LIN9: variants seen among roughly 807,000 people sequenced by gnomAD.
LIN9 encodes lin-9 DREAM MuvB core complex component.
LIN9 carries 18 observed loss-of-function variants against 78.0 expected under a neutral mutation model. The observed-to-expected ratio is 0.23, with a 90% CI of 0.16 to 0.34. The LOEUF is 0.34. LIN9 is among the 10% of genes least tolerant of loss of function. The pLI is 1.00. For missense variants in LIN9, 451 were observed against 644.1 expected (o/e 0.70, Z 3.25); for synonymous variants, 192 against 215.2 (o/e 0.89, Z 0.94).
intron 11 of LIN9, among the ~76,000 whole-genome samples, chr1:226,246,896 CG>C (rs1202023093): frequency 6.6e-6 from 1 of 151,278 alleles, no homozygotes; most frequent in Non-Finnish European, 1.5e-5. Context: ...TGCCTTTTGA[CG>C]GTTTTGGAAC....
At chr1:226,261,839 T>C (rs1659606679) in intron 10 of LIN9, among the ~76,000 whole-genome samples, 1 of 152,108 alleles carries the variant, frequency 6.6e-6, no homozygotes, top group Non-Finnish European at 1.5e-5. Flanking sequence ...AAGAACAAAG[T>C]TGAAGGACTG....
At chr1:226,276,424 T>C (rs1271303796) in intron 7 of LIN9, among the ~76,000 whole-genome samples, 1 of 152,240 alleles carries the variant, frequency 6.6e-6, no homozygotes, top group Admixed American at 6.5e-5. Context: ...ACAGAGATCA[T>C]ATCATCTATA....
intron 10 of LIN9, among the ~76,000 whole-genome samples, chr1:226,257,263 G>A (rs1175399644): frequency 6.6e-6 from 1 of 152,082 alleles, no homozygotes; most frequent in Non-Finnish European, 1.5e-5. Flanking sequence ...AATGTTAAAT[G>A]ATGTTCTTTA....
chr1:226,235,935 G>T (rs1032992977), intron 12 of LIN9, among the ~76,000 whole-genome samples: 1 of 151,844 alleles, frequency 6.6e-6, no homozygotes, highest in Non-Finnish European at 1.5e-5. Flanking sequence ...TACTCCAAAG[G>T]TTATACTTTG....
At chr1:226,232,656 A>C (rs1657412563) in intron 14 of LIN9, 50 bp from the exon 15 acceptor site, 1 of 1,240,462 alleles carries the variant, frequency 8.1e-7, no homozygotes, top group Non-Finnish European at 1.1e-6. Flanking sequence ...AAAATTAAGA[A>C]AAAAATTTTT....
intron 2 of LIN9, among the ~76,000 whole-genome samples, chr1:226,300,263 A>G (rs1019055192): frequency 6.6e-6 from 1 of 152,062 alleles, no homozygotes; most frequent in Admixed American, 6.5e-5. Context: ...AAAATAAGCT[A>G]TTACGGGCCA....
At chr1:226,240,530 A>G (rs1658044956) in intron 11 of LIN9, among the ~76,000 whole-genome samples, 1 of 152,062 alleles carries the variant, frequency 6.6e-6, no homozygotes, top group African/African-American at 2.4e-5. Flanking sequence ...GTGGGACTAC[A>G]GGTGCGTGCC....
chr1:226,232,879 C>T lies in LIN9; in HGVS notation c.1523+217G>A, dbSNP rs1576264375. On this transcript the variant is annotated intron_variant, in intron 14 of 14. Transcript: ENST00000681046. Reference sequence around the variant, plus strand: ...CTCTAAGCTCAACCTCCATGCTGACCCCAAACCTAAATATATGTCCTGATT... The same window carrying T: ...CTCTAAGCTCAACCTCCATGCTGACTCCAAACCTAAATATATGTCCTGATT... 5.1e-5 allele frequency: 25 copies of T among 492,668 alleles called. 1 individual carries two copies. The South Asian group carries it at 9.1e-4, about 18-fold the overall frequency. The allele number at this position is 492,668 out of a possible 1,614,324, so 30.5% of individuals were successfully genotyped here. A position where few individuals can be genotyped will look rare whatever the true frequency, so the allele number is the denominator to read the frequency against.
At chr1:226,262,923 G>A (rs1470340489) in intron 10 of LIN9, among the ~76,000 whole-genome samples, 2 of 152,070 alleles carry the variant, frequency 1.3e-5, no homozygotes, top group Admixed American at 6.6e-5. Context: ...ATAAACTGTG[G>A]TACATCCCGA....
chr1:226,264,533 T>C (rs1374930487), intron 10 of LIN9, among the ~76,000 whole-genome samples: 1 of 152,166 alleles, frequency 6.6e-6, no homozygotes, highest in Admixed American at 6.5e-5. Flanking sequence ...TGGATTATGT[T>C]ATAAACATTT....
chr1:226,303,798 G>T (rs764539481), intron 1 of LIN9, among the ~76,000 whole-genome samples: 12 of 152,140 alleles, frequency 7.9e-5, no homozygotes, highest in Non-Finnish European at 1.8e-4. Context: ...GTAGAGACAG[G>T]GTTTCGCCAT....
At chr1:226,277,230 A>C (rs2169568) in intron 7 of LIN9, among the ~76,000 whole-genome samples, 34,857 of 150,360 alleles carry the variant, frequency 0.23, 4,316 homozygotes, top group South Asian at 0.33. Context: ...AAAAAAAAAA[A>C]AAAAAACTTT....
At chr1:226,249,623 T>G (rs1323503294) in intron 11 of LIN9, among the ~76,000 whole-genome samples, 1 of 152,214 alleles carries the variant, frequency 6.6e-6, no homozygotes, top group Non-Finnish European at 1.5e-5. Context: ...TAACATTTCA[T>G]TCCAGAGATT....
chr1:226,250,501 CAA>C (rs1658764673), intron 11 of LIN9, among the ~76,000 whole-genome samples: 1 of 152,266 alleles, frequency 6.6e-6, no homozygotes, highest in South Asian at 2.1e-4. Context: ...TTCTGTATAA[CAA>C]GAGATAGTGA....
At chr1:226,253,003 C>T (rs1658938904) in intron 10 of LIN9, among the ~76,000 whole-genome samples, 1 of 151,880 alleles carries the variant, frequency 6.6e-6, no homozygotes. Context: ...TGGCTCACAC[C>T]TATAATCCCA....
rs111392191 is a variant in LIN9, at chr1:226,265,508, C to G, written c.1038+25G>C. On this transcript the variant is annotated intron_variant, in intron 10 of 14. Coordinates refer to ENST00000681046, the MANE Select transcript of LIN9 (RefSeq NM_001366245.2). This position sits in a 1 kb window ranked among gnomAD's most constrained non-coding sequence, Gnocchi z 4.1. The stretch of plus-strand genomic sequence containing the variant: ...AGGCATTGAGTTTTTAAACAAACAG[C>G]CAAGATATTCAGAACAATTCTTACC... The G allele has an allele frequency of 6.9e-7, 1 of 1,442,286 alleles. No individual in the cohort carries two copies. The highest frequency in any genetic ancestry group is 1.2e-5 in the South Asian group (1 of 85,458). The allele number at this position is 1,442,286 out of a possible 1,614,324, so 89.3% of individuals were successfully genotyped here.
chr1:226,235,439 A>G (rs1480429240), intron 12 of LIN9, among the ~76,000 whole-genome samples: 2 of 152,060 alleles, frequency 1.3e-5, no homozygotes, highest in Admixed American at 6.6e-5. Flanking sequence ...AAAGGTATAC[A>G]GTCAAAATAT....
Position 226,277,762 on chromosome 1 carries a change from T to C in LIN9, c.682+13A>G, listed in dbSNP as rs777030511. 2.5e-6 allele frequency: 4 copies of C among 1,607,160 alleles called. No homozygotes were observed. Among genetic ancestry groups the C allele is most frequent in the Non-Finnish European group, 3.4e-6 (4 of 1,176,916 alleles). On this transcript the variant is annotated intron_variant, in intron 7 of 14. Transcript: ENST00000681046. ...TTACAAGTCAAAAGAGTAATTAGCT[T>C]GTTTTCACTTACCTGTAACTTTCGT...
chr1:226,277,216 GAAAAA>G (rs71168975), intron 7 of LIN9, among the ~76,000 whole-genome samples: 14 of 91,464 alleles, frequency 1.5e-4, no homozygotes, highest in Non-Finnish European at 2.4e-4. Context: ...GTCTCAAAAA[GAAAAA>G]AAAAAAAAAA....
Sources: gnomAD v4.1 joint callset for allele counts (sites outside exome capture counted in the v4.1 genomes callset) on GRCh38, gnomAD v4.1.1 for gene constraint, Gnocchi (gnomAD v3.1) non-coding constraint, MANE v1.5 for transcripts, NCBI Gene and HGNC (gene_info 2026-07-23, HGNC 2026-07-21) for gene names.